POU6F2: variants seen among roughly 807,000 people sequenced by gnomAD.
POU6F2 encodes the protein POU domain, class 6, transcription factor 2.
In POU6F2, 31 loss-of-function variants were observed where a neutral mutation model predicts 71.3. That is an observed-to-expected ratio of 0.43 (90% CI 0.33 to 0.59). The LOEUF is 0.59. POU6F2 is among the 20% of genes least tolerant of loss of function. The pLI is 0.04. For missense variants in POU6F2, 783 were observed against 856.8 expected (o/e 0.91, Z 1.07); for synonymous variants, 347 against 355.7 (o/e 0.98, Z 0.27).
chr7:39,237,083 A>C (rs1430835615), intron 4 of POU6F2, among the ~76,000 whole-genome samples: 1 of 152,174 alleles, frequency 6.6e-6, no homozygotes, highest in East Asian at 1.9e-4. Flanking sequence ...GAAGCACTTC[A>C]ACATTTTCCT....
At position 39,292,171 on chromosome 7, in the gene POU6F2, T is replaced by C. The variant is rs189898566; in HGVS notation, c.599-47471T>C. 2.6e-3 allele frequency among the ~76,000 whole-genome samples: 392 copies of C among 152,316 alleles called. 2 individuals are homozygous for C. Among genetic ancestry groups the C allele is most frequent in the African/African-American group, 8.9e-3 (369 of 41,572 alleles). ...AGCAACTGGAAATAACTGATGACCC[T>C]ACACACCTTCCACCCGGCGCCGGGC... On this transcript the variant is annotated intron_variant, in intron 4 of 9. Transcript: ENST00000518318.
intron 2 of POU6F2, among the ~76,000 whole-genome samples, chr7:39,165,970 G>T (rs1793104809): frequency 6.6e-6 from 1 of 152,160 alleles, no homozygotes; most frequent in Admixed American, 6.5e-5. Context: ...ATCCTTCGGA[G>T]AACCTTTTCC....
intron 4 of POU6F2, among the ~76,000 whole-genome samples, chr7:39,306,884 G>C (rs548629493): frequency 6.6e-5 from 10 of 152,198 alleles, no homozygotes; most frequent in Non-Finnish European, 1.3e-4. Flanking sequence ...TTCCATCCAC[G>C]TTAGGATTAA....
At chr7:39,437,290 A>C (rs1788270332) in intron 7 of POU6F2, among the ~76,000 whole-genome samples, 1 of 152,108 alleles carries the variant, frequency 6.6e-6, no homozygotes, top group Admixed American at 6.5e-5. Flanking sequence ...TTACTGCCTC[A>C]ATTTCAGAAC....
intron 7 of POU6F2, among the ~76,000 whole-genome samples, chr7:39,436,274 T>C (rs1788240245): frequency 6.6e-6 from 1 of 152,168 alleles, no homozygotes; most frequent in African/African-American, 2.4e-5. Flanking sequence ...GTTTTTCCAT[T>C]TGTTTGTGTC....
rs574294138 is a variant in POU6F2 at position 39,331,415 on chromosome 7, C to T, written c.599-8227C>T. The stretch of plus-strand genomic sequence containing the variant: ...CAATAGTATGTAAGTGTTCCCTCTT[C>T]ACGTCCTCACCAATGCTTGTTTTCT... On this transcript the variant is annotated intron_variant, in intron 4 of 9. Transcript: ENST00000518318. Among the ~76,000 whole-genome samples the T allele has an allele frequency of 1.1e-3, 169 of 152,326 alleles. 1 individual carries two copies. The highest frequency in any genetic ancestry group is 1.2e-4 in the Non-Finnish European group (8 of 68,034).
At chr7:39,059,501 A>AT (rs1790606456) in intron 1 of POU6F2, among the ~76,000 whole-genome samples, 1 of 123,440 alleles carries the variant, frequency 8.1e-6, no homozygotes, top group Non-Finnish European at 1.6e-5. Context: ...GATGTCTGTA[A>AT]TTAAAAAAAA....
At chr7:39,168,679 C>T (rs1793160283) in intron 2 of POU6F2, among the ~76,000 whole-genome samples, 1 of 152,104 alleles carries the variant, frequency 6.6e-6, no homozygotes, top group Admixed American at 6.6e-5. Flanking sequence ...GCAAATTGTG[C>T]CAGTATAATT....
chr7:39,134,679 C>G (rs759685342), intron 2 of POU6F2, among the ~76,000 whole-genome samples: 2 of 152,182 alleles, frequency 1.3e-5, no homozygotes, highest in Non-Finnish European at 2.9e-5. Context: ...TCCAATACCC[C>G]ACTCCAATCT....
chr7:39,039,124 T>C (rs1790125814), intron 1 of POU6F2, among the ~76,000 whole-genome samples: 1 of 152,052 alleles, frequency 6.6e-6, no homozygotes, highest in Non-Finnish European at 1.5e-5. Flanking sequence ...AGGGTGTCCC[T>C]TTCTCTACTA....
chr7:39,081,837 G>A (rs2128720050), intron 1 of POU6F2, among the ~76,000 whole-genome samples: 1 of 152,316 alleles, frequency 6.6e-6, no homozygotes, highest in South Asian at 2.1e-4. Context: ...GAATTACTAA[G>A]TCCATAAGCC....
intron 4 of POU6F2, among the ~76,000 whole-genome samples, chr7:39,252,868 C>T (rs768798265): frequency 5.3e-5 from 8 of 152,164 alleles, no homozygotes; most frequent in Non-Finnish European, 8.8e-5. Context: ...ATGCCCTGAC[C>T]CTGCTTTATT....
At chr7:39,109,908 G>A (rs768768491) in intron 2 of POU6F2, among the ~76,000 whole-genome samples, 11 of 152,228 alleles carry the variant, frequency 7.2e-5, no homozygotes, top group Admixed American at 1.3e-4. Flanking sequence ...GCTGGCTTGT[G>A]AGAGATAATT....
intron 4 of POU6F2, among the ~76,000 whole-genome samples, chr7:39,331,914 A>G (rs537937718): frequency 3.9e-5 from 6 of 152,262 alleles, no homozygotes; most frequent in African/African-American, 1.2e-4. Context: ...AAAACCATGC[A>G]TTTGTTTCTT....
chr7:39,043,294 A>G (rs1790226928), intron 1 of POU6F2, among the ~76,000 whole-genome samples: 1 of 152,014 alleles, frequency 6.6e-6, no homozygotes, highest in Admixed American at 6.6e-5. Context: ...TAGAAATTTC[A>G]CCATCTGACC....
chr7:39,373,325 TG>T (rs1290604785), intron 5 of POU6F2, among the ~76,000 whole-genome samples: 1 of 152,110 alleles, frequency 6.6e-6, no homozygotes, highest in Non-Finnish European at 1.5e-5. Flanking sequence ...TTCCACAGAT[TG>T]TAAGTGCTAG....
chr7:39,045,094 G>C (rs2128712731), intron 1 of POU6F2, among the ~76,000 whole-genome samples: 1 of 152,080 alleles, frequency 6.6e-6, no homozygotes, highest in East Asian at 1.9e-4. Flanking sequence ...TCTCATTACA[G>C]TAATGTTCCT....
rs1425456891 is a variant in POU6F2, at chr7:39,468,484, A to G, written c.*3798A>G. 1 of 151,506 alleles carries G rather than the reference A, an allele frequency of 6.6e-6. No individual in the cohort carries two copies. The highest frequency in any genetic ancestry group is 1.9e-4 in the East Asian group (1 of 5,176). The allele number at this position is 151,506 out of a possible 1,614,324, so 9.4% of individuals were successfully genotyped here. Reference sequence around the variant, plus strand: ...AATATTTAAAAAAAAAAAAAACTGTACTTAATCTAGAGCAATATCTGTATG... The same window carrying G: ...AATATTTAAAAAAAAAAAAAACTGTGCTTAATCTAGAGCAATATCTGTATG... On this transcript the variant is annotated 3_prime_UTR_variant, in exon 10 of 10. Transcript: ENST00000518318.
At position 39,442,512 on chromosome 7, in the gene POU6F2, T is replaced by C. The variant is rs571345306; in HGVS notation, c.1321-9021T>C. Among the ~76,000 whole-genome samples, 61 of 152,318 alleles carry C rather than the reference T, an allele frequency of 4.0e-4. 2 individuals carry two copies. The South Asian group carries it at 0.012, about 30-fold the overall frequency. ...AGCCACCTCTTCTTCCTCAGCTTTATCCCAAGCAGTCTCTGTCGATCTTAT... is the reference window on the plus strand; with the variant it reads ...AGCCACCTCTTCTTCCTCAGCTTTACCCCAAGCAGTCTCTGTCGATCTTAT... On this transcript the variant is annotated intron_variant, in intron 7 of 9. Coordinates refer to ENST00000518318, the MANE Select transcript of POU6F2 (RefSeq NM_001370959.1).
Sources: gnomAD v4.1 joint callset for allele counts (sites outside exome capture counted in the v4.1 genomes callset) on GRCh38, gnomAD v4.1.1 for gene constraint, MANE v1.5 for transcripts, NCBI Gene and HGNC (gene_info 2026-07-23, HGNC 2026-07-21) for gene names.